P2RX1: variants seen among roughly 807,000 people sequenced by gnomAD.
P2RX1 encodes the protein purinergic receptor P2X 1.
In P2RX1, 42 loss-of-function variants were observed where a neutral mutation model predicts 50.3. That is an observed-to-expected ratio of 0.83 (90% CI 0.65 to 1.08). The LOEUF (loss-of-function observed/expected upper bound fraction) is 1.08, where lower values mean the gene tolerates loss of function less well. Ranked by LOEUF, P2RX1 falls within the 50% of genes least tolerant of loss-of-function variation. The pLI, the probability that P2RX1 is intolerant of heterozygous loss-of-function variation, is 0.00. For synonymous variants in P2RX1, 199 were observed against 202.6 expected (o/e 0.98, Z 0.15); for missense variants, 449 against 529.0 (o/e 0.85, Z 1.48).
At chr17:3,902,017 C>G (rs1026296602) in intron 7 of P2RX1, among the ~76,000 whole-genome samples, 2 of 152,220 alleles carry the variant, frequency 1.3e-5, no homozygotes, top group African/African-American at 2.4e-5. Context: ...TCAGCTAGTT[C>G]TGCGCTCATA....
intron 1 of P2RX1, among the ~76,000 whole-genome samples, chr17:3,909,784 C>G (rs1180521918): frequency 6.6e-6 from 1 of 152,138 alleles, no homozygotes; most frequent in East Asian, 1.9e-4. Flanking sequence ...ACAAAAATCT[C>G]GCACCCAAGG....
At chr17:3,915,758 C>T (rs577987278) in intron 1 of P2RX1, 15 of 501,494 alleles carry the variant, frequency 3.0e-5, no homozygotes, top group African/African-American at 2.7e-4. Flanking sequence ...GGTCAGAGGT[C>T]GAGGACTCAG....
chr17:3,906,933 T>C (rs1345138864), intron 1 of P2RX1, among the ~76,000 whole-genome samples: 1 of 152,180 alleles, frequency 6.6e-6, no homozygotes, highest in Admixed American at 6.5e-5. Flanking sequence ...ATCCTGTCTA[T>C]TGAGTGGCTA....
Position 3,897,746 on chromosome 17 carries a change from G to C in P2RX1, c.*68C>G. 6.8e-7 allele frequency: 1 copy of C among 1,470,842 alleles called. No homozygotes were observed. The highest frequency in any genetic ancestry group is 9.4e-7 in the Non-Finnish European group (1 of 1,061,530). The allele number at this position is 1,470,842 out of a possible 1,614,324, so 91.1% of individuals were successfully genotyped here. On this transcript the variant is annotated 3_prime_UTR_variant, in exon 12 of 12. Transcript: ENST00000225538. Reference sequence around the variant, plus strand: ...TTCCTGGGGAGGCCCCTCTGCCCTGGCTGGGACCCACCAGGGCTCCAGGCT... The same window carrying C: ...TTCCTGGGGAGGCCCCTCTGCCCTGCCTGGGACCCACCAGGGCTCCAGGCT...
Position 3,897,085 on chromosome 17 carries a change from C to T in P2RX1, c.*729G>A, listed in dbSNP as rs1348619555. On this transcript the variant is annotated 3_prime_UTR_variant, in exon 12 of 12. Coordinates refer to ENST00000225538, the MANE Select transcript of P2RX1 (RefSeq NM_002558.4). Reference sequence around the variant, plus strand: ...TGACTCCCGCTCAGGAGCTTAGAGTCAGAAAGTTCGAGGACGGCACTTCTT... The same window carrying T: ...TGACTCCCGCTCAGGAGCTTAGAGTTAGAAAGTTCGAGGACGGCACTTCTT... 1 of 153,158 alleles carries T rather than the reference C, an allele frequency of 6.5e-6. No individual in the cohort carries two copies. The highest frequency in any genetic ancestry group is 1.5e-5 in the Non-Finnish European group (1 of 68,740). The allele number at this position is 153,158 out of a possible 1,614,324, so 9.5% of individuals were successfully genotyped here.
rs192408876 is a variant in P2RX1 at position 3,902,277 on chromosome 17, C to T, written c.747+925G>A. 4.0e-5 allele frequency among the ~76,000 whole-genome samples: 6 copies of T among 151,844 alleles called. No homozygotes were observed. The East Asian group carries it at 1.2e-3, about 29-fold the overall frequency. On this transcript the variant is annotated intron_variant, in intron 7 of 11. Coordinates refer to ENST00000225538, the MANE Select transcript of P2RX1 (RefSeq NM_002558.4). ...AGTAGCTGGGATTACAGGTGCCCGC[C>T]ACCACACCCAGATAATTTTTGTATT...
chr17:3,906,298 AT>A (rs1226685773), intron 1 of P2RX1, among the ~76,000 whole-genome samples: 1 of 151,958 alleles, frequency 6.6e-6, no homozygotes, highest in East Asian at 1.9e-4. Flanking sequence ...CGCCCAGCTA[AT>A]TTTTTGTATT....
chr17:3,901,252 A>AG (rs2056136340), intron 7 of P2RX1, among the ~76,000 whole-genome samples: 1 of 152,188 alleles, frequency 6.6e-6, no homozygotes, highest in African/African-American at 2.4e-5. Flanking sequence ...TATTTTTAGT[A>AG]GAGACGGGGT....
rs150818753 is a variant in P2RX1, at chr17:3,898,011, C to T, written c.1132G>A (p.Ala378Thr). The T allele has an allele frequency of 6.2e-7, 1 of 1,613,546 alleles. No homozygotes were observed. Among genetic ancestry groups the T allele is most frequent in the African/African-American group, 1.3e-5 (1 of 74,800 alleles). Reference protein sequence around the residue: ...FKYAEDMGPGAAERDLAATSS... With the variant: ...FKYAEDMGPGTAERDLAATSS... ...CCTGGCTCGGGGGGTTCTCTTACCG[C>T]CCCTGGCCCCATGTCCTCAGCGTAT... The change falls in exon 11 of 12, where the codon GCG becomes ACG. Residue 378 changes from alanine to threonine, a missense_variant and splice_region_variant. Ala to Thr is a moderately conservative substitution (Grantham distance 58). Transcript: ENST00000225538.
intron 7 of P2RX1, among the ~76,000 whole-genome samples, chr17:3,902,522 C>T (rs890668616): frequency 2.0e-5 from 3 of 151,958 alleles, no homozygotes; most frequent in Admixed American, 6.6e-5. Context: ...TCTCGAACTC[C>T]TGACCTCAGG....
chr17:3,901,902 T>G (rs932982673), intron 7 of P2RX1, among the ~76,000 whole-genome samples: 1 of 152,104 alleles, frequency 6.6e-6, no homozygotes, highest in Non-Finnish European at 1.5e-5. Flanking sequence ...ACTGGCACCA[T>G]TATTGCCCCC....
At chr17:3,901,290 A>C (rs912141907) in intron 7 of P2RX1, among the ~76,000 whole-genome samples, 1 of 152,200 alleles carries the variant, frequency 6.6e-6, no homozygotes, top group South Asian at 2.1e-4. Context: ...GATGGTCTCG[A>C]TCTCCTGACC....
rs2144003999 is a variant in P2RX1, at chr17:3,903,769, C to A, written c.525-138G>T. 1 of 1,121,132 alleles carries A rather than the reference C, an allele frequency of 8.9e-7. No homozygotes were observed. The highest frequency in any genetic ancestry group is 1.3e-5 in the South Asian group (1 of 79,366). The allele number at this position is 1,121,132 out of a possible 1,614,324, so 69.4% of individuals were successfully genotyped here. On this transcript the variant is annotated intron_variant, in intron 5 of 11. Transcript: ENST00000225538. The surrounding 1 kb of genome is among the most constrained non-coding windows in gnomAD (Gnocchi z 4.6). ...CTGGGCTGGTGGAGGGGTGGGTGTG[C>A]TCTAGCGTGGCCAGGACCCAGGGGA...
At chr17:3,906,908 T>C (rs1217179628) in intron 1 of P2RX1, among the ~76,000 whole-genome samples, 1 of 152,210 alleles carries the variant, frequency 6.6e-6, no homozygotes, top group Non-Finnish European at 1.5e-5. Flanking sequence ...TTCTGGGAAT[T>C]GCCAGGAAAG....
chr17:3,902,041 C>T (rs950704367), intron 7 of P2RX1, among the ~76,000 whole-genome samples: 17 of 152,290 alleles, frequency 1.1e-4, no homozygotes, highest in Non-Finnish European at 7.4e-5. Context: ...ACTGCTTCTT[C>T]GGAATCCCAG....
chr17:3,901,125 T>C (rs1206114422), intron 7 of P2RX1, among the ~76,000 whole-genome samples: 2 of 152,086 alleles, frequency 1.3e-5, no homozygotes, highest in Non-Finnish European at 2.9e-5. Flanking sequence ...TGGAGTGCAG[T>C]GGCACGATCT....
chr17:3,911,957 C>T (rs1429335907), intron 1 of P2RX1, among the ~76,000 whole-genome samples: 1 of 152,186 alleles, frequency 6.6e-6, no homozygotes, highest in Non-Finnish European at 1.5e-5. Context: ...AAGAATTGAA[C>T]CTGAGACTTT....
At position 3,898,953 on chromosome 17, in the gene P2RX1, T is replaced by A. The variant is rs887374719; in HGVS notation, c.947A>T (p.Asp316Val). 6.2e-7 allele frequency: 1 copy of A among 1,613,600 alleles called. No individual in the cohort carries two copies. Among genetic ancestry groups the A allele is most frequent in the Non-Finnish European group, 8.5e-7 (1 of 1,179,822 alleles). Residue 316 changes from aspartate (D) to valine (V), a missense_variant, in exon 9 of 12, where the codon GAC (aspartate) becomes GTC (valine). Transcript: ENST00000225538. ...HLFKVFGIRFDILVDGKAGKF... is the reference protein window; with the variant it reads ...HLFKVFGIRFVILVDGKAGKF... ...ACTCACCTTGCCGTCCACCAGGATG[T>A]CAAAGCGAATCCCAAACACCTTGAA...
rs771113075 is a variant in P2RX1 at position 3,916,125 on chromosome 17, C to T, written c.101G>A (p.Arg34Gln). ...GACCAGGACCACCAGCTGGATCAGT[C>T]GGAAGATAACGCCCACCTTCTTATT... ...VRNKKVGVIF[R>Q]LIQLVVLVYV... Residue 34 changes from arginine to glutamine, a missense_variant, in exon 1 of 12, where the codon CGA becomes CAA. Arg to Gln is a conservative substitution (Grantham distance 43). Transcript: ENST00000225538. 7 of 1,613,630 alleles carry T rather than the reference C, an allele frequency of 4.3e-6. No individual in the cohort carries two copies. Among genetic ancestry groups the T allele is most frequent in the East Asian group, 2.2e-5 (1 of 44,864 alleles).
Sources: gnomAD v4.1 joint callset for allele counts (sites outside exome capture counted in the v4.1 genomes callset) on GRCh38, gnomAD v4.1.1 for gene constraint, Gnocchi (gnomAD v3.1) non-coding constraint, MANE v1.5 for transcripts, NCBI Gene and HGNC (gene_info 2026-07-23, HGNC 2026-07-21) for gene names.